The following CNOT11 variants were observed in gnomAD, a reference collection of about 807,000 sequenced individuals.
CNOT11 encodes UPF0760 protein C2orf29.
Under a neutral mutation model 44.6 loss-of-function variants are expected in CNOT11, and 18 were observed. That is an observed-to-expected ratio of 0.40 (90% CI 0.28 to 0.60). The LOEUF is 0.60. CNOT11 is among the 20% of genes least tolerant of loss of function. The pLI, the probability that CNOT11 is intolerant of heterozygous loss-of-function variation, is 0.38. For synonymous variants in CNOT11, 291 were observed against 270.9 expected (o/e 1.07, Z -0.73); for missense variants, 513 against 677.0 (o/e 0.76, Z 2.69).
intron 4 of CNOT11, among the ~76,000 whole-genome samples, chr2:101,265,463 A>G (rs1164723060): frequency 1.3e-5 from 2 of 152,156 alleles, no homozygotes; most frequent in African/African-American, 4.8e-5. Flanking sequence ...TAAGCAATAA[A>G]CTAATCCTGT....
chr2:101,257,656 A>G (rs1681764083), intron 1 of CNOT11, 135 bp from the exon 2 acceptor site: 1 of 642,098 alleles, frequency 1.6e-6, no homozygotes, highest in African/African-American at 1.8e-5. Flanking sequence ...TATTTGGTTG[A>G]CTGAAACTTA....
Position 101,253,231 on chromosome 2 carries a change from C to A in CNOT11, c.267C>A (p.Ser89=). Reference sequence around the variant, plus strand: ...GCGGCAGCACCTTCGAGGGCCTGTCCACCGCCTTCCACCACTACTTCAGCA... The same window carrying A: ...GCGGCAGCACCTTCGAGGGCCTGTCAACCGCCTTCCACCACTACTTCAGCA... The part of the protein sequence containing the change: ...AGGGSTFEGL[S]TAFHHYFSKA... Residue 89 remains serine, a synonymous_variant, in exon 1 of 7, where the codon TCC becomes TCA. Transcript: ENST00000289382. The surrounding 1 kb of genome is among the most constrained non-coding windows in gnomAD (Gnocchi z 4.3). 6.2e-7 allele frequency: 1 copy of A among 1,611,320 alleles called. No homozygotes were observed. Among genetic ancestry groups the A allele is most frequent in the Non-Finnish European group, 8.5e-7 (1 of 1,179,436 alleles).
intron 2 of CNOT11, among the ~76,000 whole-genome samples, chr2:101,259,850 C>T (rs1378089394): frequency 2.0e-5 from 3 of 152,094 alleles, no homozygotes; most frequent in Non-Finnish European, 4.4e-5. Context: ...CCAGCCTGGG[C>T]AACATAGGGA....
At chr2:101,255,332 A>T (rs1681713716) in intron 1 of CNOT11, among the ~76,000 whole-genome samples, 1 of 152,038 alleles carries the variant, frequency 6.6e-6, no homozygotes, top group Non-Finnish European at 1.5e-5. Flanking sequence ...CGTCTCTACT[A>T]AAAATACAAA....
chr2:101,263,593 T>C (rs2104367452), intron 3 of CNOT11, among the ~76,000 whole-genome samples: 1 of 152,344 alleles, frequency 6.6e-6, no homozygotes, highest in African/African-American at 2.4e-5. Context: ...AAGGCAAGCT[T>C]TCTGCTTTGG....
At chr2:101,255,617 CT>C (rs2104360937) in intron 1 of CNOT11, among the ~76,000 whole-genome samples, 1 of 152,212 alleles carries the variant, frequency 6.6e-6, no homozygotes, top group Non-Finnish European at 1.5e-5. Flanking sequence ...CCCAGAGCTG[CT>C]GATATTGTAT....
In CNOT11 at chr2:101,254,835, C is replaced by T. The variant is rs147291968; in HGVS notation, c.514+1357C>T. Among the ~76,000 whole-genome samples, 168 of 152,052 alleles carry T rather than the reference C, an allele frequency of 1.1e-3. 1 individual carries two copies. The highest frequency in any genetic ancestry group is 2.0e-3 in the Non-Finnish European group (136 of 67,940). On this transcript the variant is annotated intron_variant, in intron 1 of 6. Coordinates refer to ENST00000289382, the MANE Select transcript of CNOT11 (RefSeq NM_017546.5). Reference sequence around the variant, plus strand: ...ATCACTTGAGCCTAGGAGTTTGAGGCTGCAGTGAGTTAGGGTGACAGCTTC... The same window carrying T: ...ATCACTTGAGCCTAGGAGTTTGAGGTTGCAGTGAGTTAGGGTGACAGCTTC...
Position 101,252,910 on chromosome 2 carries a change from G to A in CNOT11, c.-55G>A. 1 of 1,381,740 alleles carries A rather than the reference G, an allele frequency of 7.2e-7. No homozygotes were observed. The highest frequency in any genetic ancestry group is 9.3e-7 in the Non-Finnish European group (1 of 1,075,930). 85.6% of individuals were successfully genotyped at this position (1,381,740 alleles called of 1,614,324 possible). A position where few individuals can be genotyped will look rare whatever the true frequency, so the allele number is the denominator to read the frequency against. On this transcript the variant is annotated 5_prime_UTR_variant, in exon 1 of 7. Transcript: ENST00000289382. ...CGCGCTTTACGGCCGCGGGGACGGAGCGAGCCGGCGCCAGGGCCCCTCGGG... is the reference window on the plus strand; with the variant it reads ...CGCGCTTTACGGCCGCGGGGACGGAACGAGCCGGCGCCAGGGCCCCTCGGG...
chr2:101,253,048 GGC>G lies in CNOT11; in HGVS notation c.86_87del (p.Ala29ValfsTer91). ...QRGSREAAGS[A>X]SRSGFGGSGG... ...GAGGGTCCCGGGAAGCGGCAGGGTC[GGC>G]GTCCAGGAGCGGCTTCGGGGGCTCC... On this transcript the variant is annotated frameshift_variant, in exon 1 of 7. Coordinates refer to ENST00000289382, the MANE Select transcript of CNOT11 (RefSeq NM_017546.5). LOFTEE classifies it high-confidence loss of function. This position sits in a 1 kb window ranked among gnomAD's most constrained non-coding sequence, Gnocchi z 4.3. The G allele has an allele frequency of 6.6e-7, 1 of 1,515,828 alleles. No homozygotes were observed. Among genetic ancestry groups the G allele is most frequent in the Non-Finnish European group, 8.8e-7 (1 of 1,137,768 alleles). 93.9% of individuals were successfully genotyped at this position (1,515,828 alleles called of 1,614,324 possible).
chr2:101,268,947 G>A (rs1017633141), intron 5 of CNOT11, 93 bp from the exon 6 acceptor site: 21 of 781,894 alleles, frequency 2.7e-5, no homozygotes, highest in Non-Finnish European at 4.1e-5. Flanking sequence ...AATTCCACCA[G>A]ATGACCAAAG....
rs766485261 is a variant in CNOT11 at position 101,257,951 on chromosome 2, G to A, written c.675G>A (p.Leu225=). 5.6e-6 allele frequency: 9 copies of A among 1,611,540 alleles called. No individual in the cohort carries two copies. Among genetic ancestry groups the A allele is most frequent in the Non-Finnish European group, 7.6e-6 (9 of 1,178,592 alleles). Residue 225 remains leucine (L), a synonymous_variant, in exon 2 of 7, where the codon TTG becomes TTA. Coordinates refer to ENST00000289382, the MANE Select transcript of CNOT11 (RefSeq NM_017546.5). ...ACATTAGTGGGCTTCAGTTAGCCTT[G>A]GCCGGTAAGGAGGAATCAGTGTTTT... The part of the protein sequence containing the change: ...SVDISGLQLA[L]AERQSELPTQ...
intron 1 of CNOT11, among the ~76,000 whole-genome samples, chr2:101,255,534 T>C (rs1681719634): frequency 6.6e-6 from 1 of 152,006 alleles, no homozygotes; most frequent in Non-Finnish European, 1.5e-5. Context: ...CCCACTATTA[T>C]ACCATTATTA....
chr2:101,262,476 T>G (rs796819299), intron 2 of CNOT11, 63 bp from the exon 3 acceptor site: 1 of 1,484,252 alleles, frequency 6.7e-7, no homozygotes, highest in Admixed American at 1.7e-5. Context: ...TTGCCTCAGT[T>G]GGTAGCTTGT....
intron 5 of CNOT11, among the ~76,000 whole-genome samples, chr2:101,267,975 A>G (rs924778896): frequency 2.0e-5 from 3 of 152,216 alleles, no homozygotes; most frequent in Admixed American, 6.5e-5. Flanking sequence ...GAAAAAATCT[A>G]TGTGAAATTG....
rs1383687404 is a variant in CNOT11, at chr2:101,269,876, G to C, written c.*463G>C. On this transcript the variant is annotated 3_prime_UTR_variant, in exon 7 of 7. Coordinates refer to ENST00000289382, the MANE Select transcript of CNOT11 (RefSeq NM_017546.5). The surrounding 1 kb of genome is among the most constrained non-coding windows in gnomAD (Gnocchi z 4.8). The stretch of plus-strand genomic sequence containing the variant: ...GCAAACAAACAGGAGTTTGTTTCTT[G>C]AACCTGCTTATGCACACAGCTCTTA... The C allele has an allele frequency of 1.9e-5, 3 of 154,684 alleles. No individual in the cohort carries two copies. The highest frequency in any genetic ancestry group is 7.2e-5 in the African/African-American group (3 of 41,442). 9.6% of individuals were successfully genotyped at this position (154,684 alleles called of 1,614,324 possible). A position where few individuals can be genotyped will look rare whatever the true frequency, so the allele number is the denominator to read the frequency against.
At chr2:101,261,868 A>C (rs1262909461) in intron 2 of CNOT11, among the ~76,000 whole-genome samples, 1 of 93,134 alleles carries the variant, frequency 1.1e-5, no homozygotes, top group Non-Finnish European at 2.1e-5. Flanking sequence ...TTTTTTTGAG[A>C]TGGAGTCTCG....
chr2:101,253,436 C>G lies in CNOT11; in HGVS notation c.472C>G (p.Pro158Ala), dbSNP rs755616054. The G allele has an allele frequency of 6.5e-6, 10 of 1,534,690 alleles. No homozygotes were observed. In the East Asian group the frequency reaches 2.4e-4, roughly 37 times the overall value. Reference protein sequence around the residue: ...SFAHLLNPAPPARGGQEPDRP... With the variant: ...SFAHLLNPAPAARGGQEPDRP... ...CGCGCACCTGCTCAACCCCGCGCCG[C>G]CCGCCCGCGGCGGCCAGGAACCCGA... The change falls in exon 1 of 7, where the codon CCC (proline) becomes GCC (alanine). Residue 158 changes from proline to alanine, a missense_variant. Coordinates refer to ENST00000289382, the MANE Select transcript of CNOT11 (RefSeq NM_017546.5). This position sits in a 1 kb window ranked among gnomAD's most constrained non-coding sequence, Gnocchi z 4.3.
chr2:101,253,379 C>A lies in CNOT11; in HGVS notation c.415C>A (p.Pro139Thr), dbSNP rs1307019991. Residue 139 changes from proline to threonine, a missense_variant, in exon 1 of 7, where the codon CCG (proline) becomes ACG (threonine). Around this residue, in one of 4 missense-constraint regions of CNOT11, gnomAD observed 259 missense variants for 265.7 expected, o/e 0.97. Transcript: ENST00000289382. This position sits in a 1 kb window ranked among gnomAD's most constrained non-coding sequence, Gnocchi z 4.3. ...YLLWEMYRTE[P>T]LAANPFAASF... ...GCTCTGGGAGATGTACCGCACCGAG[C>A]CGCTGGCCGCCAACCCCTTCGCCGC... The A allele has an allele frequency of 6.3e-7, 1 of 1,593,284 alleles. No homozygotes were observed. The highest frequency in any genetic ancestry group is 1.1e-5 in the South Asian group (1 of 90,204).
At chr2:101,258,770 TGC>T (rs1324728421) in intron 2 of CNOT11, among the ~76,000 whole-genome samples, 2 of 146,664 alleles carry the variant, frequency 1.4e-5, no homozygotes, top group Non-Finnish European at 3.0e-5. Flanking sequence ...GCTGAGATTG[TGC>T]AACTGCACTT....
Sources: gnomAD v4.1 joint callset for allele counts (sites outside exome capture counted in the v4.1 genomes callset) on GRCh38, gnomAD v4.1.1 for gene constraint, gnomAD v4.1.1 regional missense constraint, Gnocchi (gnomAD v3.1) non-coding constraint, MANE v1.5 for transcripts, NCBI Gene and HGNC (gene_info 2026-07-23, HGNC 2026-07-21) for gene names.